MTMR12: variants seen among roughly 807,000 people sequenced by gnomAD.
MTMR12 encodes myotubularin related protein 12.
A neutral mutation model predicts 96.7 loss-of-function variants in MTMR12; 33 were observed. The ratio of observed to expected loss-of-function variants is 0.34; its 90% CI spans 0.26 to 0.46. The LOEUF is 0.46. Ranked by LOEUF, MTMR12 falls within the 20% of genes least tolerant of loss-of-function variation. MTMR12 has a pLI of 1.00. For missense variants in MTMR12, 721 were observed against 896.1 expected (o/e 0.80, Z 2.49); for synonymous variants, 298 against 327.2 (o/e 0.91, Z 0.96).
chr5:32,268,599 G>A (rs1749700430), intron 6 of MTMR12, 102 bp downstream of exon 6: 3 of 921,108 alleles, frequency 3.3e-6, no homozygotes, highest in Non-Finnish European at 5.2e-6. Context: ...GAGGAGACAG[G>A]AAAAAACAAA....
At chr5:32,279,216 AG>A (rs1750186379) in intron 1 of MTMR12, among the ~76,000 whole-genome samples, 1 of 151,382 alleles carries the variant, frequency 6.6e-6, no homozygotes, top group African/African-American at 2.4e-5. Context: ...AGACGGGCTT[AG>A]GAAACAGAGT....
At chr5:32,275,859 G>C (rs1260351271) in intron 2 of MTMR12, among the ~76,000 whole-genome samples, 1 of 152,108 alleles carries the variant, frequency 6.6e-6, no homozygotes, top group Admixed American at 6.5e-5. Flanking sequence ...AAAAGTTATA[G>C]AATTCTTTTA....
intron 1 of MTMR12, among the ~76,000 whole-genome samples, chr5:32,306,423 T>C (rs1167934879): frequency 6.6e-6 from 1 of 152,164 alleles, no homozygotes; most frequent in Non-Finnish European, 1.5e-5. Context: ...ATACCCACAG[T>C]CATATCTCTG....
chr5:32,297,836 C>G (rs945463762), intron 1 of MTMR12, among the ~76,000 whole-genome samples: 1 of 152,208 alleles, frequency 6.6e-6, no homozygotes, highest in Non-Finnish European at 1.5e-5. Context: ...CAGACCTGAT[C>G]TCACCAAACA....
intron 1 of MTMR12, among the ~76,000 whole-genome samples, chr5:32,309,094 C>G (rs1751476337): frequency 6.6e-6 from 1 of 152,084 alleles, no homozygotes; most frequent in South Asian, 2.1e-4. Flanking sequence ...TTAGACTGAA[C>G]CACTCCCCTT....
intron 1 of MTMR12, among the ~76,000 whole-genome samples, chr5:32,290,743 G>A (rs528536060): frequency 6.6e-6 from 1 of 152,210 alleles, no homozygotes; most frequent in African/African-American, 2.4e-5. Context: ...TGGCAGATAG[G>A]GATGCCATTT....
At chr5:32,250,292 T>C (rs1183868830) in intron 8 of MTMR12, among the ~76,000 whole-genome samples, 3 of 142,986 alleles carry the variant, frequency 2.1e-5, no homozygotes, top group Non-Finnish European at 4.4e-5. Context: ...TGGGAGCTGA[T>C]GGTCTGCTGC....
At chr5:32,267,269 G>A (rs193046875) in intron 6 of MTMR12, among the ~76,000 whole-genome samples, 9 of 150,920 alleles carry the variant, frequency 6.0e-5, no homozygotes, top group South Asian at 2.1e-4. Context: ...CCAGCTCCTC[G>A]GGAGGCTAAG....
At chr5:32,305,218 A>C (rs574982240) in intron 1 of MTMR12, among the ~76,000 whole-genome samples, 2 of 152,022 alleles carry the variant, frequency 1.3e-5, no homozygotes, top group African/African-American at 2.4e-5. Flanking sequence ...CCTCCTGAGT[A>C]GCTGGAATTA....
At chr5:32,299,802 C>T (rs986035323) in intron 1 of MTMR12, among the ~76,000 whole-genome samples, 2 of 152,200 alleles carry the variant, frequency 1.3e-5, no homozygotes, top group African/African-American at 4.8e-5. Flanking sequence ...TGTGCACACA[C>T]CTTACATAAG....
At chr5:32,279,076 CAAAA>C (rs35999870) in intron 1 of MTMR12, among the ~76,000 whole-genome samples, 8 of 50,524 alleles carry the variant, frequency 1.6e-4, no homozygotes, top group East Asian at 4.9e-4. Context: ...AACTCTGTCT[CAAAA>C]AAAAAAAAAA....
intron 8 of MTMR12, among the ~76,000 whole-genome samples, chr5:32,251,753 T>A (rs1192257361): frequency 6.6e-6 from 1 of 152,244 alleles, no homozygotes; most frequent in Admixed American, 6.5e-5. Flanking sequence ...GGAAGGCCCA[T>A]GGAACGGGAC....
chr5:32,295,073 T>C (rs1750875208), intron 1 of MTMR12, among the ~76,000 whole-genome samples: 1 of 152,210 alleles, frequency 6.6e-6, no homozygotes, highest in Admixed American at 6.5e-5. Context: ...TGTAGGAAGC[T>C]AAAAACCAAA....
chr5:32,244,031 C>T (rs1008703431), intron 10 of MTMR12, among the ~76,000 whole-genome samples: 2 of 152,132 alleles, frequency 1.3e-5, no homozygotes, highest in African/African-American at 4.8e-5. Context: ...TGCACAAGTT[C>T]GTCCACCCAG....
chr5:32,287,286 A>G (rs1430889659), intron 1 of MTMR12, among the ~76,000 whole-genome samples: 1 of 152,206 alleles, frequency 6.6e-6, no homozygotes, highest in African/African-American at 2.4e-5. Context: ...ACCCAGCCTT[A>G]ATCTGGTGGA....
chr5:32,254,018 T>C (rs1185570868), intron 8 of MTMR12, among the ~76,000 whole-genome samples: 2 of 152,376 alleles, frequency 1.3e-5, no homozygotes, highest in Admixed American at 6.5e-5. Flanking sequence ...CTGGCTAGAA[T>C]GCAGAGTATC....
intron 1 of MTMR12, among the ~76,000 whole-genome samples, chr5:32,299,593 T>C (rs924322003): frequency 2.0e-5 from 3 of 152,118 alleles, no homozygotes; most frequent in Non-Finnish European, 4.4e-5. Flanking sequence ...GTTAAAAGGC[T>C]TGGAGCAGGA....
intron 8 of MTMR12, among the ~76,000 whole-genome samples, chr5:32,249,384 G>C (rs767211849): frequency 5.3e-5 from 8 of 151,978 alleles, no homozygotes; most frequent in Non-Finnish European, 1.0e-4. Context: ...TATATGGATG[G>C]CAAAAAGGGG....
intron 6 of MTMR12, among the ~76,000 whole-genome samples, chr5:32,265,974 C>T (rs1003424291): frequency 1.3e-5 from 2 of 152,194 alleles, no homozygotes; most frequent in African/African-American, 4.8e-5. Flanking sequence ...TCTATCTATA[C>T]CTTTTCTATG....
Sources: gnomAD v4.1 joint callset for allele counts (sites outside exome capture counted in the v4.1 genomes callset) on GRCh38, gnomAD v4.1.1 for gene constraint, MANE v1.5 for transcripts, NCBI Gene and HGNC (gene_info 2026-07-23, HGNC 2026-07-21) for gene names.